AKR1C3: variants seen among roughly 807,000 people sequenced by gnomAD.
AKR1C3 encodes aldo-keto reductase family 1 member C3.
AKR1C3 carries 48 observed loss-of-function variants against 43.6 expected under a neutral mutation model. That is an observed-to-expected ratio of 1.10 (90% CI 0.87 to 1.40). The LOEUF (loss-of-function observed/expected upper bound fraction) is 1.40, where lower values mean the gene tolerates loss of function less well. Ranked by LOEUF, AKR1C3 falls within the 40% of genes most tolerant of loss-of-function variation. The probability of loss-of-function intolerance (pLI) is 0.00; values close to 1 mark genes in which losing one functional copy is unlikely to be tolerated. For synonymous variants in AKR1C3, 162 were observed against 139.6 expected, an observed-to-expected ratio of 1.16 and a Z score of -1.13; for missense variants, 482 against 391.2, an observed-to-expected ratio of 1.23 and a Z score of -1.96.
intron 1 of AKR1C3, among the ~76,000 whole-genome samples, chr10:5,072,539 C>A (rs1341407849): frequency 6.6e-6 from 1 of 152,186 alleles, no homozygotes; most frequent in Non-Finnish European, 1.5e-5. Flanking sequence ...GCCAGAATTG[C>A]AACCTGCCAG....
chr10:5,094,723 AT>A (rs1437587550), intron 1 of AKR1C3, among the ~76,000 whole-genome samples, 195 bp downstream of exon 1: 2 of 151,722 alleles, frequency 1.3e-5, no homozygotes, highest in Non-Finnish European at 2.9e-5. Context: ...CGTACTGCTT[AT>A]TTTTCGTTTG....
intron 1 of AKR1C3, among the ~76,000 whole-genome samples, chr10:5,076,563 G>A (rs1442047868): frequency 2.0e-5 from 3 of 151,926 alleles, no homozygotes; most frequent in African/African-American, 7.3e-5. Context: ...TCCTTGATCC[G>A]GCTTCATCTA....
intron 1 of AKR1C3, among the ~76,000 whole-genome samples, chr10:5,060,915 C>T (rs375546596): frequency 2.7e-4 from 41 of 152,342 alleles, no homozygotes; most frequent in Non-Finnish European, 4.6e-4. Context: ...CTGGGGCTTG[C>T]GGGCTGGCCA....
chr10:5,089,040 AT>A (rs1444871233), intron 1 of AKR1C3, among the ~76,000 whole-genome samples: 1 of 151,912 alleles, frequency 6.6e-6, no homozygotes, highest in African/African-American at 2.4e-5. Flanking sequence ...TGATTTCTCC[AT>A]TTTTTTCTAT....
At chr10:5,048,985 T>C (rs1838094046) in intron 1 of AKR1C3, 6 of 1,017,182 alleles carry the variant, frequency 5.9e-6, no homozygotes, top group Non-Finnish European at 9.2e-6. Context: ...TGTGTTCGTG[T>C]ATTACTCTGC....
chr10:5,069,747 A>C (rs1838581252), intron 1 of AKR1C3, among the ~76,000 whole-genome samples: 1 of 152,010 alleles, frequency 6.6e-6, no homozygotes, highest in African/African-American at 2.4e-5. Flanking sequence ...GGTGGCAGGC[A>C]CCTGTAGTTC....
intron 1 of AKR1C3, among the ~76,000 whole-genome samples, chr10:5,055,904 G>C (rs1554779497): frequency 2.0e-5 from 3 of 152,190 alleles, no homozygotes; most frequent in African/African-American, 7.2e-5. Flanking sequence ...CCCCTCAACT[G>C]TTTTAATGTC....
chr10:5,099,285 G>A (rs1554785610), intron 4 of AKR1C3, 42 bp from the exon 5 acceptor site: 5 of 1,612,670 alleles, frequency 3.1e-6, no homozygotes, highest in African/African-American at 2.7e-5. Flanking sequence ...GTGATTTGCA[G>A]CCAACTGCAC....
chr10:5,087,280 A>G (rs1448288867), intron 1 of AKR1C3, among the ~76,000 whole-genome samples: 7 of 151,350 alleles, frequency 4.6e-5, no homozygotes, highest in African/African-American at 1.2e-4. Flanking sequence ...CAAAGTCTCT[A>G]TATTTTCTAG....
chr10:5,086,071 T>C (rs535084806), intron 1 of AKR1C3, among the ~76,000 whole-genome samples: 15 of 151,800 alleles, frequency 9.9e-5, no homozygotes, highest in South Asian at 2.1e-4. Flanking sequence ...GTGTCTCTAT[T>C]TCCTTCAGTT....
At chr10:5,058,225 T>C (rs1838304400) in intron 1 of AKR1C3, among the ~76,000 whole-genome samples, 1 of 152,136 alleles carries the variant, frequency 6.6e-6, no homozygotes, top group Non-Finnish European at 1.5e-5. Context: ...GGGATGTAAA[T>C]TGTAAGCTTT....
Position 5,102,519 on chromosome 10 carries a change from C to A in AKR1C3, c.715C>A (p.Pro239Thr). Residue 239 changes from proline to threonine, a missense_variant, in exon 7 of 9, where the codon CCA becomes ACA. Transcript: ENST00000380554. ...DPNSPVLLED[P>T]VLCALAKKHK... ...GAACTCCCCGGTGCTCTTGGAGGAC[C>A]CAGTCCTTTGTGCCTTGGCAAAAAA... is the stretch of plus-strand genomic sequence containing the variant. 1 of 1,574,718 alleles carries A rather than the reference C, an allele frequency of 6.4e-7. No homozygotes were observed. Among genetic ancestry groups the A allele is most frequent in the Non-Finnish European group, 8.6e-7 (1 of 1,160,014 alleles).
At chr10:5,054,347 C>A (rs1554779324) in intron 1 of AKR1C3, among the ~76,000 whole-genome samples, 1 of 152,204 alleles carries the variant, frequency 6.6e-6, no homozygotes, top group Non-Finnish European at 1.5e-5. Context: ...GTAGCAGTAG[C>A]CATTCCTAAC....
At chr10:5,107,341 G>C (rs782595871) in intron 8 of AKR1C3, 120 bp from the exon 9 acceptor site, 95 of 709,394 alleles carry the variant, frequency 1.3e-4, no homozygotes, top group Middle Eastern at 7.1e-4. Flanking sequence ...AAGAAAGGCA[G>C]ATTCTACAAC....
chr10:5,098,389 C>G (rs2131841577), intron 3 of AKR1C3, among the ~76,000 whole-genome samples: 1 of 152,276 alleles, frequency 6.6e-6, no homozygotes, highest in East Asian at 1.9e-4. Context: ...CTATGTGATT[C>G]ACAGTCCTGC....
chr10:5,066,137 G>A (rs892203754), intron 1 of AKR1C3, among the ~76,000 whole-genome samples: 4 of 152,180 alleles, frequency 2.6e-5, no homozygotes, highest in Non-Finnish European at 2.9e-5. Flanking sequence ...TACCTATGCT[G>A]TCGAGAATGT....
intron 5 of AKR1C3, among the ~76,000 whole-genome samples, chr10:5,100,349 A>C (rs1839317404): frequency 6.6e-6 from 1 of 152,176 alleles, no homozygotes; most frequent in East Asian, 1.9e-4. Flanking sequence ...CAGTGGATGA[A>C]ATCAACACTG....
intron 1 of AKR1C3, among the ~76,000 whole-genome samples, chr10:5,055,675 G>C (rs963672528): frequency 1.1e-3 from 114 of 107,656 alleles, no homozygotes; most frequent in Non-Finnish European, 1.9e-3. Context: ...GGCTCTCTCT[G>C]TGACTTATAA....
intron 7 of AKR1C3, among the ~76,000 whole-genome samples, chr10:5,104,777 A>G (rs1010988929): frequency 6.6e-5 from 10 of 152,238 alleles, no homozygotes; most frequent in African/African-American, 2.2e-4. Flanking sequence ...CCATTAAACC[A>G]TATGTATTTT....
Sources: allele counts gnomAD v4.1 joint callset (sites outside exome capture counted in the v4.1 genomes callset), GRCh38; gene constraint gnomAD v4.1.1; transcripts MANE v1.5; gene names NCBI Gene and HGNC (gene_info 2026-07-23, HGNC 2026-07-21).